PRCD: variants seen among roughly 807,000 people sequenced by gnomAD.
The protein encoded by PRCD is photoreceptor disc component, also known as photoreceptor disk component PRCD.
Under a neutral mutation model 10.1 loss-of-function variants are expected in PRCD, and 12 were observed. The observed-to-expected ratio is 1.18, with a 90% CI of 0.76 to 1.92. The LOEUF (loss-of-function observed/expected upper bound fraction) is 1.92, where lower values mean the gene tolerates loss of function less well. Ranked by LOEUF, PRCD falls within the 40% of genes most tolerant of loss-of-function variation. The probability of loss-of-function intolerance (pLI) is 0.00; values close to 1 mark genes in which losing one functional copy is unlikely to be tolerated. For missense variants in PRCD, 61 were observed against 72.2 expected (o/e 0.84, Z 0.56); for synonymous variants, 31 against 26.2 (o/e 1.18, Z -0.56).
chr17:76,549,164 A>G (rs1380193092), downstream of PRCD, among the ~76,000 whole-genome samples: 2 of 152,248 alleles, frequency 1.3e-5, no homozygotes, highest in Admixed American at 1.3e-4. Context: ...TGCTCTTGGA[A>G]AGACTAGGAG....
At chr17:76,548,968 G>GA (rs1293916863), downstream of PRCD, among the ~76,000 whole-genome samples, 1 of 152,194 alleles carries the variant, frequency 6.6e-6, no homozygotes, top group Non-Finnish European at 1.5e-5. Flanking sequence ...CTAAGGTGAG[G>GA]AGGAGACAGA....
chr17:76,540,496 C>T lies in PRCD; in HGVS notation c.75-9C>T. On this transcript the variant is annotated splice_polypyrimidine_tract_variant and intron_variant, in intron 1 of 4. Transcript: ENST00000592014. The surrounding 1 kb of genome is among the most constrained non-coding windows in gnomAD (Gnocchi z 5.0). ...CATAGCTCTTCCTCCCTACTCTTGC[C>T]TCCCACAGAGAGCCCAGCGACGTGG... 6.2e-7 allele frequency: 1 copy of T among 1,613,624 alleles called. No individual in the cohort carries two copies. The highest frequency in any genetic ancestry group is 8.5e-7 in the Non-Finnish European group (1 of 1,179,876).
rs2074849400 is a variant in PRCD at position 76,531,897 on chromosome 17, C to T, written n.45+4064C>T. 1 of 521,488 alleles carries T rather than the reference C, an allele frequency of 1.9e-6. No homozygotes were observed. Among genetic ancestry groups the T allele is most frequent in the South Asian group, 2.6e-5 (1 of 38,176 alleles). The allele number at this position is 521,488 out of a possible 1,614,324, so 32.3% of individuals were successfully genotyped here. ...TCACCCCTACCAAGTCTGGCCATGT[C>T]TATCTGCCAGGCTTGCTCAGGCTGG... On this transcript the variant is annotated intron_variant and non_coding_transcript_variant, in intron 1 of 4. Transcript: ENST00000397633. This position sits in a 1 kb window ranked among gnomAD's most constrained non-coding sequence, Gnocchi z 7.4.
In PRCD at chr17:76,540,356, A is replaced by G. The variant is rs2074976004; in HGVS notation, c.74+141A>G. 2.3e-6 allele frequency: 3 copies of G among 1,277,628 alleles called. No individual in the cohort carries two copies. The Admixed American group carries it at 5.7e-5, about 24-fold the overall frequency. 79.1% of individuals were successfully genotyped at this position (1,277,628 alleles called of 1,614,324 possible). A position where few individuals can be genotyped will look rare whatever the true frequency, so the allele number is the denominator to read the frequency against. ...GGGCATTTTGAGGAACCCTTGAGAG[A>G]GCACAGTCTCAGAGCAGGGGGACTT... On this transcript the variant is annotated intron_variant, in intron 1 of 4. Transcript: ENST00000592014. The surrounding 1 kb of genome is among the most constrained non-coding windows in gnomAD (Gnocchi z 5.0).
At chr17:76,537,639 G>T, upstream of PRCD, 1 of 966,300 alleles carries the variant, frequency 1.0e-6, no homozygotes. Flanking sequence ...CCGGCTGCGT[G>T]CGCGGCGGGC....
At chr17:76,532,573 C>T (rs2074859532) in intron 1 of PRCD, among the ~76,000 whole-genome samples, 1 of 143,186 alleles carries the variant, frequency 7.0e-6, no homozygotes, top group Non-Finnish European at 1.5e-5. Context: ...ACTCTGTCAT[C>T]CAGGCTGGAG....
At position 76,530,814 on chromosome 17, in the gene PRCD, T is replaced by C. The variant is rs1438047047; in HGVS notation, n.45+2981T>C. On this transcript the variant is annotated intron_variant and non_coding_transcript_variant, in intron 1 of 4. Transcript: ENST00000397633. The surrounding 1 kb of genome is among the most constrained non-coding windows in gnomAD (Gnocchi z 6.1). ...TCACAGGGGAGCCATCTTGAAGGCC[T>C]TTCCTATTATGCCTGTTCTTACATG... is the stretch of plus-strand genomic sequence containing the variant. 6.6e-6 allele frequency among the ~76,000 whole-genome samples: 1 copy of C among 152,112 alleles called. No individual in the cohort carries two copies. The highest frequency in any genetic ancestry group is 1.9e-4 in the East Asian group (1 of 5,176).
chr17:76,528,435 C>T lies in PRCD; in HGVS notation n.45+602C>T, dbSNP rs531892493. 86 of 771,052 alleles carry T rather than the reference C, an allele frequency of 1.1e-4. No individual in the cohort carries two copies. The highest frequency in any genetic ancestry group is 1.4e-4 in the African/African-American group (8 of 55,580). 47.8% of individuals were successfully genotyped at this position (771,052 alleles called of 1,614,324 possible). A position where few individuals can be genotyped will look rare whatever the true frequency, so the allele number is the denominator to read the frequency against. On this transcript the variant is annotated intron_variant and non_coding_transcript_variant, in intron 1 of 4. Coordinates refer to the PRCD transcript ENST00000397633. This position sits in a 1 kb window ranked among gnomAD's most constrained non-coding sequence, Gnocchi z 5.8. ...AGCAGCTCCAGGGGGGGACCCTGGCCGCCACAGAGGCCTCCTTCGGGGAAG... is the reference window on the plus strand; with the variant it reads ...AGCAGCTCCAGGGGGGGACCCTGGCTGCCACAGAGGCCTCCTTCGGGGAAG...
upstream of PRCD, chr17:76,538,155 C>A (rs1437053281): frequency 6.3e-6 from 1 of 159,708 alleles, no homozygotes; most frequent in East Asian, 1.9e-4. Flanking sequence ...CGAGCTTTCG[C>A]GGCGAGGCCG....
At chr17:76,549,558 A>G (rs1034569531), downstream of PRCD, among the ~76,000 whole-genome samples, 2 of 152,238 alleles carry the variant, frequency 1.3e-5, no homozygotes, top group South Asian at 2.1e-4. Flanking sequence ...GGAAACCAGC[A>G]TGGTGGTTCC....
At chr17:76,529,840 C>T (rs1221041150) in intron 1 of PRCD, 24 of 985,234 alleles carry the variant, frequency 2.4e-5, no homozygotes, top group Non-Finnish European at 2.8e-5. Flanking sequence ...CAGCTGTGCA[C>T]ATCTGGAGTT....
intron 1 of PRCD, among the ~76,000 whole-genome samples, chr17:76,535,021 T>C (rs997351710): frequency 6.6e-6 from 1 of 152,238 alleles, no homozygotes; most frequent in Non-Finnish European, 1.5e-5. Flanking sequence ...CAAGAGAGCC[T>C]GAAATAGGCC....
Position 76,544,584 on chromosome 17 carries a change from C to T in PRCD, c.*934C>T, listed in dbSNP as rs1011150069. On this transcript the variant is annotated 3_prime_UTR_variant, in exon 5 of 5. Coordinates refer to ENST00000592014, the MANE Select transcript of PRCD (RefSeq NM_001077620.3). The stretch of plus-strand genomic sequence containing the variant: ...AGCCTGCAGAGGCAAAGCCAGAGCG[C>T]CAGCCTGACCCAGGCCGTGAGCCCG... 2.2e-6 allele frequency: 1 copy of T among 456,604 alleles called. No homozygotes were observed. Among genetic ancestry groups the T allele is most frequent in the Admixed American group, 2.3e-5 (1 of 42,572 alleles). 28.3% of individuals were successfully genotyped at this position (456,604 alleles called of 1,614,324 possible).
intron 1 of PRCD, chr17:76,527,844 T>C (rs1378377136): frequency 2.2e-6 from 1 of 453,180 alleles, no homozygotes; most frequent in Non-Finnish European, 4.4e-6. Flanking sequence ...GTGAGTCAGT[T>C]CCTCTGAGGG....
chr17:76,538,447 G>C (rs1339653213), upstream of PRCD: 1 of 464,926 alleles, frequency 2.2e-6, no homozygotes, highest in East Asian at 7.3e-5. Flanking sequence ...CCATGCCCTC[G>C]GTGCACGAAC....
At chr17:76,549,128 A>G (rs1464702276), downstream of PRCD, among the ~76,000 whole-genome samples, 2 of 152,210 alleles carry the variant, frequency 1.3e-5, no homozygotes, top group African/African-American at 4.8e-5. Flanking sequence ...AAATCAATAC[A>G]CTGGACTTTA....
In PRCD at chr17:76,545,021, G is replaced by A. The variant is rs1165455079; in HGVS notation, c.*1371G>A. ...GCGGGGCTGTGGCTGCCTGGGCTTG[G>A]AGGTTGCCTGGGCAGCTGGGGTGCC... On this transcript the variant is annotated 3_prime_UTR_variant, in exon 5 of 5. Coordinates refer to ENST00000592014, the MANE Select transcript of PRCD (RefSeq NM_001077620.3). The A allele has an allele frequency of 4.4e-6, 2 of 455,126 alleles. No individual in the cohort carries two copies. The highest frequency in any genetic ancestry group is 8.8e-6 in the Non-Finnish European group (2 of 226,352). The allele number at this position is 455,126 out of a possible 1,614,324, so 28.2% of individuals were successfully genotyped here.
upstream of PRCD, among the ~76,000 whole-genome samples, chr17:76,537,140 G>T (rs2074924534): frequency 1.3e-5 from 2 of 152,218 alleles, no homozygotes; most frequent in South Asian, 4.1e-4. Context: ...TTCTGAGGCC[G>T]GGGAGAGGAG....
Position 76,529,634 on chromosome 17 carries a change from C to T in PRCD, n.45+1801C>T, listed in dbSNP as rs536279332. On this transcript the variant is annotated intron_variant and non_coding_transcript_variant, in intron 1 of 4. Transcript: ENST00000397633. ...AACTCATCTTTGGCAGCAGAGCCTG[C>T]GTGGGGAGAGGGGTGGGAGGGCAGG... 5.7e-5 allele frequency: 56 copies of T among 983,658 alleles called. No individual in the cohort carries two copies. In the African/African-American group the frequency reaches 8.7e-4, roughly 15 times the overall value. The allele number at this position is 983,658 out of a possible 1,614,324, so 60.9% of individuals were successfully genotyped here. A position where few individuals can be genotyped will look rare whatever the true frequency, so the allele number is the denominator to read the frequency against.
Sources: gnomAD v4.1 joint callset for allele counts (sites outside exome capture counted in the v4.1 genomes callset) on GRCh38, gnomAD v4.1.1 for gene constraint, Gnocchi (gnomAD v3.1) non-coding constraint, MANE v1.5 for transcripts, NCBI Gene and HGNC (gene_info 2026-07-23, HGNC 2026-07-21) for gene names.